AFF3: variants seen among roughly 807,000 people sequenced by gnomAD.
AFF3 encodes the protein ALF transcription elongation factor 3, also known as AF4/FMR2 family member 3.
A neutral mutation model predicts 129.7 loss-of-function variants in AFF3; 32 were observed. The ratio of observed to expected loss-of-function variants is 0.25; its 90% confidence interval spans 0.19 to 0.33. The LOEUF is 0.33. Among genes scored for constraint, AFF3 ranks in the 10% least tolerant of loss-of-function variants. AFF3 has a pLI of 1.00. For synonymous variants in AFF3, 644 were observed against 635.4 expected, an observed-to-expected ratio of 1.01 and a Z score of -0.20; for missense variants, 1,373 against 1,592.0, an observed-to-expected ratio of 0.86 and a Z score of 2.34.
chr2:99,926,646 T>C (rs1402102281), intron 7 of AFF3, among the ~76,000 whole-genome samples: 1 of 152,058 alleles, frequency 6.6e-6, no homozygotes. Flanking sequence ...AATGGTTCTG[T>C]GGAACAAGCA....
At chr2:99,915,508 G>C (rs2106218616) in intron 7 of AFF3, among the ~76,000 whole-genome samples, 1 of 152,276 alleles carries the variant, frequency 6.6e-6, no homozygotes, top group Middle Eastern at 3.4e-3. Flanking sequence ...GCAAAAGCCA[G>C]GGAGGGGAGT....
At chr2:100,003,045 G>C (rs574701980) in intron 7 of AFF3, among the ~76,000 whole-genome samples, 1 of 125,678 alleles carries the variant, frequency 8.0e-6, no homozygotes, top group African/African-American at 3.0e-5. Context: ...GCCAAAGACA[G>C]ATACACTATG....
At chr2:100,141,138 G>A (rs565893633) in intron 1 of AFF3, among the ~76,000 whole-genome samples, 2 of 152,338 alleles carry the variant, frequency 1.3e-5, no homozygotes, top group East Asian at 1.9e-4. Context: ...TGTTACAGAT[G>A]TGGGAACTCC....
chr2:99,916,837 C>T (rs1017385185), intron 7 of AFF3, among the ~76,000 whole-genome samples: 1 of 151,886 alleles, frequency 6.6e-6, no homozygotes. Flanking sequence ...AGGCTGTGAC[C>T]GAATCTCATC....
At chr2:100,133,211 A>T (rs972017853) in intron 1 of AFF3, among the ~76,000 whole-genome samples, 1 of 151,872 alleles carries the variant, frequency 6.6e-6, no homozygotes, top group African/African-American at 2.4e-5. Context: ...GGCTGCAGTG[A>T]ACTGTGATCA....
chr2:99,981,602 GT>G (rs1221997223), intron 7 of AFF3, among the ~76,000 whole-genome samples: 5 of 152,100 alleles, frequency 3.3e-5, no homozygotes, highest in Admixed American at 6.5e-5. Flanking sequence ...TTATTTGCAT[GT>G]CTTCATATTC....
rs2106157527 is a variant in AFF3, at chr2:99,903,708, C to T, written c.874-66184G>A. 1.3e-5 allele frequency among the ~76,000 whole-genome samples: 2 copies of T among 152,230 alleles called. 1 individual carries two copies. Among genetic ancestry groups the T allele is most frequent in the South Asian group, 4.2e-4 (2 of 4,816 alleles). On this transcript the variant is annotated intron_variant, in intron 7 of 24. Coordinates refer to ENST00000672756, the MANE Select transcript of AFF3 (RefSeq NM_001386135.1). ...ATATTTGTATTTGTCTCCTAGTTGA[C>T]TTATCTCTCAGGTCTGGGGTATCTT...
Position 99,593,861 on chromosome 2 carries a change from G to T in AFF3, c.1800C>A (p.Ala600=). The change falls in exon 15 of 25, where the codon GCC becomes GCA. Residue 600 remains alanine (A), a synonymous_variant. Transcript: ENST00000672756. ...RTERTSAGDG[A]NCHRPEEPAA... ...CGGGCTCCTCGGGCCGGTGGCAGTT[G>T]GCGCCGTCCCCGGCTGAGGTCCTCT... 6.3e-7 allele frequency: 1 copy of T among 1,581,250 alleles called. No individual in the cohort carries two copies.
intron 13 of AFF3, among the ~76,000 whole-genome samples, chr2:99,640,619 T>TC (rs1354949087): frequency 1.3e-5 from 2 of 151,638 alleles, no homozygotes; most frequent in Non-Finnish European, 1.5e-5. Flanking sequence ...AGAGGGTTTT[T>TC]TTTTTTCTTT....
At chr2:99,867,966 C>A (rs1419736701) in intron 7 of AFF3, among the ~76,000 whole-genome samples, 1 of 151,464 alleles carries the variant, frequency 6.6e-6, no homozygotes, top group Non-Finnish European at 1.5e-5. Flanking sequence ...CGTTCCCCCA[C>A]AGCTGTCAAG....
chr2:100,008,961 C>T lies in AFF3; in HGVS notation c.54-29G>A, dbSNP rs1218548201. 3 of 1,610,776 alleles carry T rather than the reference C, an allele frequency of 1.9e-6. No individual in the cohort carries two copies. In the South Asian group the frequency reaches 3.3e-5, roughly 18 times the overall value. ...CATCAGGAAAAAGAAGAGAGAACAA[C>T]CACACACACAAATTAAACTGTAAAG... On this transcript the variant is annotated intron_variant, in intron 4 of 24. Coordinates refer to ENST00000672756, the MANE Select transcript of AFF3 (RefSeq NM_001386135.1).
At chr2:99,775,091 A>G (rs911316341) in intron 8 of AFF3, among the ~76,000 whole-genome samples, 3 of 152,164 alleles carry the variant, frequency 2.0e-5, no homozygotes, top group Admixed American at 2.0e-4. Context: ...TCAAAAAACA[A>G]CATGCTGGCA....
chr2:99,823,539 T>C (rs1687845613), intron 8 of AFF3, among the ~76,000 whole-genome samples: 1 of 152,176 alleles, frequency 6.6e-6, no homozygotes, highest in African/African-American at 2.4e-5. Flanking sequence ...TGAGGAATAG[T>C]TTTAAATTAA....
chr2:99,815,262 A>C (rs1046186486), intron 8 of AFF3, among the ~76,000 whole-genome samples: 4 of 152,194 alleles, frequency 2.6e-5, no homozygotes, highest in African/African-American at 9.7e-5. Flanking sequence ...AAATATAACA[A>C]AATTTTACCA....
At chr2:100,109,810 T>C (rs1379683686) in intron 2 of AFF3, 1 of 152,212 alleles carries the variant, frequency 6.6e-6, no homozygotes, top group Non-Finnish European at 1.5e-5. Context: ...AACAGGTAAG[T>C]GTCACAAACC....
chr2:100,006,815 T>C lies in AFF3; in HGVS notation c.690A>G (p.Lys230=). ...LASKPSLVQQ[K]PTAYVRPMDG... is the part of the protein sequence containing the mutation. The stretch of plus-strand genomic sequence containing the variant: ...CCATTGGCCTCACATACGCGGTCGG[T>C]TTCTGCTGGACCAGGCTGGGTTTTG... The change falls in exon 7 of 25, where the codon AAA becomes AAG. Residue 230 remains lysine, a synonymous_variant. Transcript: ENST00000672756. 1.2e-6 allele frequency: 2 copies of C among 1,614,184 alleles called. No individual in the cohort carries two copies. Among genetic ancestry groups the C allele is most frequent in the Non-Finnish European group, 8.5e-7 (1 of 1,180,042 alleles).
At chr2:99,620,744 C>T (rs953807959) in intron 13 of AFF3, among the ~76,000 whole-genome samples, 1 of 152,156 alleles carries the variant, frequency 6.6e-6, no homozygotes, top group Admixed American at 6.5e-5. Flanking sequence ...GTGTTTGGGT[C>T]ACGGGGGAGG....
chr2:99,893,115 C>A (rs748804356), intron 7 of AFF3, among the ~76,000 whole-genome samples: 8 of 152,136 alleles, frequency 5.3e-5, no homozygotes, highest in Non-Finnish European at 1.0e-4. Context: ...TGAACCATGA[C>A]CATTAACAGC....
At chr2:100,140,978 G>GTGATGA (rs70940197) in intron 1 of AFF3, among the ~76,000 whole-genome samples, 55,004 of 150,954 alleles carry the variant, frequency 0.36, 10,183 homozygotes, top group East Asian at 0.55. Context: ...ACAAAAGGTA[G>GTGATGA]TGATGATGAT....
Sources: allele counts gnomAD v4.1 joint callset (sites outside exome capture counted in the v4.1 genomes callset), GRCh38; gene constraint gnomAD v4.1.1; transcripts MANE v1.5; gene names NCBI Gene and HGNC (gene_info 2026-07-23, HGNC 2026-07-21).